Variants in GPC5 observed in about 807,000 individuals in gnomAD.
GPC5 encodes the protein glypican 5.
GPC5 carries 47 observed loss-of-function variants against 53.9 expected under a neutral mutation model. That is an observed-to-expected ratio of 0.87 (90% CI 0.69 to 1.11). The LOEUF (loss-of-function observed/expected upper bound fraction) is 1.11, where lower values mean the gene tolerates loss of function less well. GPC5 is among the 50% of genes most tolerant of loss of function. The probability of loss-of-function intolerance (pLI) is 0.00; values close to 1 mark genes in which losing one functional copy is unlikely to be tolerated. For missense variants in GPC5, 748 were observed against 713.1 expected (o/e 1.05, Z -0.56); for synonymous variants, 286 against 263.3 (o/e 1.09, Z -0.84).
At chr13:92,345,770 A>G (rs955291085) in intron 7 of GPC5, among the ~76,000 whole-genome samples, 28 of 152,136 alleles carry the variant, frequency 1.8e-4, no homozygotes, top group African/African-American at 6.0e-4. Context: ...GACACTTCCC[A>G]GAAAGCCCAC....
chr13:92,370,071 T>A (rs1224665464), intron 7 of GPC5, among the ~76,000 whole-genome samples: 2 of 152,178 alleles, frequency 1.3e-5, no homozygotes, highest in Non-Finnish European at 2.9e-5. Context: ...GGCTGATTGG[T>A]TTCTTAGAAA....
intron 7 of GPC5, among the ~76,000 whole-genome samples, chr13:92,163,912 T>C (rs2042008942): frequency 6.6e-6 from 1 of 152,084 alleles, no homozygotes; most frequent in East Asian, 1.9e-4. Flanking sequence ...AAACTTACAA[T>C]CATGGCAGAA....
chr13:92,763,136 G>T (rs1172456841), intron 7 of GPC5, among the ~76,000 whole-genome samples: 1 of 152,014 alleles, frequency 6.6e-6, no homozygotes, highest in Non-Finnish European at 1.5e-5. Flanking sequence ...AATTACTGGA[G>T]AATTATTTTA....
chr13:91,488,945 G>A (rs1883774060), intron 2 of GPC5, among the ~76,000 whole-genome samples: 1 of 152,172 alleles, frequency 6.6e-6, no homozygotes, highest in African/African-American at 2.4e-5. Flanking sequence ...TTTGGGGGCG[G>A]CTGTCTTTTA....
At chr13:92,712,484 C>A (rs1888174189) in intron 7 of GPC5, among the ~76,000 whole-genome samples, 1 of 150,482 alleles carries the variant, frequency 6.6e-6, no homozygotes. Flanking sequence ...ACGGCAAAAT[C>A]ATATAGGAAA....
At chr13:92,223,356 G>A (rs551563099) in intron 7 of GPC5, among the ~76,000 whole-genome samples, 2 of 152,256 alleles carry the variant, frequency 1.3e-5, no homozygotes, top group East Asian at 1.9e-4. Flanking sequence ...TTAACATCGG[G>A]TTCAACCATT....
chr13:92,479,093 AT>A (rs1385694411), intron 7 of GPC5, among the ~76,000 whole-genome samples: 1 of 152,164 alleles, frequency 6.6e-6, no homozygotes, highest in Admixed American at 6.5e-5. Flanking sequence ...GATTACACAA[AT>A]TATAAGTCCA....
At chr13:91,605,300 T>C (rs1476252227) in intron 2 of GPC5, among the ~76,000 whole-genome samples, 3 of 148,498 alleles carry the variant, frequency 2.0e-5, no homozygotes, top group Non-Finnish European at 3.0e-5. Flanking sequence ...TCTGTTCTGT[T>C]CCATTGATCT....
intron 6 of GPC5, among the ~76,000 whole-genome samples, chr13:91,973,670 A>G (rs1006998780): frequency 3.9e-5 from 6 of 152,040 alleles, no homozygotes; most frequent in Non-Finnish European, 8.8e-5. Context: ...TCTGTTTGTT[A>G]GTTTTCCTTC....
chr13:92,748,712 T>G (rs771960987), intron 7 of GPC5, among the ~76,000 whole-genome samples: 3 of 152,212 alleles, frequency 2.0e-5, no homozygotes, highest in Non-Finnish European at 4.4e-5. Flanking sequence ...AAGAGCTTAC[T>G]TTGAAGTACA....
chr13:92,717,085 C>T (rs777037752), intron 7 of GPC5, among the ~76,000 whole-genome samples: 2 of 151,254 alleles, frequency 1.3e-5, no homozygotes, highest in Non-Finnish European at 2.9e-5. Flanking sequence ...AGGGCAAGAC[C>T]GTAAAACTTC....
chr13:92,314,038 C>G (rs1165643146), intron 7 of GPC5, among the ~76,000 whole-genome samples: 2 of 152,190 alleles, frequency 1.3e-5, no homozygotes, highest in Non-Finnish European at 2.9e-5. Flanking sequence ...CAATTGCATA[C>G]AGACTGTGAA....
At chr13:92,337,953 G>C (rs971323626) in intron 7 of GPC5, among the ~76,000 whole-genome samples, 1 of 152,066 alleles carries the variant, frequency 6.6e-6, no homozygotes. Flanking sequence ...GCAATAACTG[G>C]TAAGCTGGAC....
chr13:91,473,360 G>A (rs1375099643), intron 2 of GPC5, among the ~76,000 whole-genome samples: 2 of 152,038 alleles, frequency 1.3e-5, no homozygotes, highest in African/African-American at 4.8e-5. Flanking sequence ...ACAGTAGACA[G>A]GAGTCAACAC....
At chr13:92,774,343 G>A (rs1274179413) in intron 7 of GPC5, among the ~76,000 whole-genome samples, 1 of 152,022 alleles carries the variant, frequency 6.6e-6, no homozygotes, top group Non-Finnish European at 1.5e-5. Flanking sequence ...AACTTGTAGT[G>A]GTCTGTACAT....
chr13:92,286,653 C>T (rs2042957001), intron 7 of GPC5, among the ~76,000 whole-genome samples: 1 of 146,300 alleles, frequency 6.8e-6, no homozygotes, highest in South Asian at 2.1e-4. Flanking sequence ...CCAAATACCG[C>T]ATGTTCTCAC....
At chr13:92,743,755 G>C (rs113547217) in intron 7 of GPC5, among the ~76,000 whole-genome samples, 3 of 151,918 alleles carry the variant, frequency 2.0e-5, no homozygotes, top group African/African-American at 7.3e-5. Context: ...TTTGATATTC[G>C]TCCCATCAAT....
At chr13:92,487,887 C>A (rs1410418753) in intron 7 of GPC5, among the ~76,000 whole-genome samples, 5 of 150,154 alleles carry the variant, frequency 3.3e-5, no homozygotes, top group Non-Finnish European at 7.4e-5. Context: ...CTATTACAGG[C>A]CAGGAGAGCA....
intron 2 of GPC5, among the ~76,000 whole-genome samples, chr13:91,520,352 A>G (rs774281597): frequency 6.6e-6 from 1 of 152,220 alleles, no homozygotes; most frequent in Non-Finnish European, 1.5e-5. Context: ...GGTAAACATC[A>G]GTCTAGATCT....
Sources: gnomAD v4.1 joint callset for allele counts (sites outside exome capture counted in the v4.1 genomes callset) on GRCh38, gnomAD v4.1.1 for gene constraint, MANE v1.5 for transcripts, NCBI Gene and HGNC (gene_info 2026-07-23, HGNC 2026-07-21) for gene names.